The following THUMPD2 variants were observed in gnomAD, a reference collection of about 807,000 sequenced individuals.
The protein encoded by THUMPD2 is U6 snRNA (guanine-N(2))-methyltransferase THUMPD2.
A neutral mutation model predicts 49.4 loss-of-function variants in THUMPD2; 56 were observed. The ratio of observed to expected loss-of-function variants is 1.13; its 90% CI spans 0.91 to 1.41. The LOEUF is 1.41. Among genes scored for constraint, THUMPD2 ranks in the 40% most tolerant of loss-of-function variants. The pLI is 0.00. For synonymous variants in THUMPD2, 237 were observed against 205.2 expected (o/e 1.15, Z -1.32); for missense variants, 709 against 594.5 (o/e 1.19, Z -2.00).
Position 39,736,949 on chromosome 2 carries a change from GTGTGAC to G in THUMPD2, c.1292_1297del (p.Ser431_His432del). 1 of 1,614,008 alleles carries G rather than the reference GTGTGAC, an allele frequency of 6.2e-7. No individual in the cohort carries two copies. The highest frequency in any genetic ancestry group is 8.5e-7 in the Non-Finnish European group (1 of 1,179,994). ...GCACTTTTTAATTCCAGGTTCATCT[GTGTGAC>G]TGTCCTTGGAATTGAAAGGGATGTT... is the stretch of plus-strand genomic sequence containing the variant. On this transcript the variant is annotated inframe_deletion, in exon 10 of 10. Coordinates refer to ENST00000505747, the MANE Select transcript of THUMPD2 (RefSeq NM_025264.5).
intron 6 of THUMPD2, among the ~76,000 whole-genome samples, chr2:39,758,047 G>A (rs540097700): frequency 1.1e-4 from 16 of 152,076 alleles, no homozygotes; most frequent in African/African-American, 3.9e-4. Flanking sequence ...TGTAGTCCCA[G>A]GGCAAATACA....
intron 8 of THUMPD2, among the ~76,000 whole-genome samples, chr2:39,752,764 G>A (rs1675584345): frequency 6.6e-6 from 1 of 152,066 alleles, no homozygotes; most frequent in African/African-American, 2.4e-5. Flanking sequence ...AGTAATGAAA[G>A]GTAAATTTAA....
chr2:39,779,269 G>C, upstream of THUMPD2: 1 of 1,460,474 alleles, frequency 6.8e-7, no homozygotes, highest in Non-Finnish European at 9.0e-7. Flanking sequence ...CGCGCCTTCG[G>C]GTCACGTGGC....
chr2:39,772,965 T>C (rs1169326273), intron 1 of THUMPD2, among the ~76,000 whole-genome samples: 2 of 152,090 alleles, frequency 1.3e-5, no homozygotes, highest in Non-Finnish European at 2.9e-5. Flanking sequence ...TTGGCACAGT[T>C]AAAACTCAAA....
At chr2:39,760,064 G>T (rs1430065751) in intron 6 of THUMPD2, among the ~76,000 whole-genome samples, 1 of 152,144 alleles carries the variant, frequency 6.6e-6, no homozygotes, top group African/African-American at 2.4e-5. Context: ...TCTATCTAAT[G>T]ACTAAGAATA....
intron 8 of THUMPD2, among the ~76,000 whole-genome samples, chr2:39,748,915 G>A (rs1675000557): frequency 6.6e-6 from 1 of 151,742 alleles, no homozygotes; most frequent in African/African-American, 2.4e-5. Flanking sequence ...CCAGGAGTTC[G>A]TTCAAGGCTG....
rs980778874 is a variant in THUMPD2 at position 39,745,321 on chromosome 2, C to T, written c.1079-843G>A. 5.9e-5 allele frequency among the ~76,000 whole-genome samples: 9 copies of T among 152,102 alleles called. No homozygotes were observed. In the South Asian group the frequency reaches 6.2e-4, roughly 11 times the overall value. ...AGCAACAAAAAGTGCTTTGTAATCTCGGAAAGTCTAATGACTACTTGCTAG... is the reference window on the plus strand; with the variant it reads ...AGCAACAAAAAGTGCTTTGTAATCTTGGAAAGTCTAATGACTACTTGCTAG... On this transcript the variant is annotated intron_variant, in intron 8 of 9. Transcript: ENST00000505747.
chr2:39,758,228 G>A (rs1236985541), intron 6 of THUMPD2, among the ~76,000 whole-genome samples: 1 of 152,050 alleles, frequency 6.6e-6, no homozygotes, highest in Non-Finnish European at 1.5e-5. Context: ...GGCAGTTTGG[G>A]AAAAAATTAA....
chr2:39,760,622 G>A (rs1373079423), intron 6 of THUMPD2, among the ~76,000 whole-genome samples: 1 of 151,982 alleles, frequency 6.6e-6, no homozygotes, highest in Non-Finnish European at 1.5e-5. Context: ...ATAGCTATGT[G>A]TTTGTAAAAA....
intron 1 of THUMPD2, among the ~76,000 whole-genome samples, chr2:39,778,288 C>A (rs1216404679): frequency 6.6e-6 from 1 of 152,232 alleles, no homozygotes; most frequent in Non-Finnish European, 1.5e-5. Context: ...CTATTAAATT[C>A]TGTGACCCAA....
At chr2:39,745,569 TTTA>T (rs1330949962) in intron 8 of THUMPD2, among the ~76,000 whole-genome samples, 1 of 152,206 alleles carries the variant, frequency 6.6e-6, no homozygotes, top group African/African-American at 2.4e-5. Flanking sequence ...AAATGTTTTA[TTTA>T]TGAGGAAGCA....
chr2:39,762,918 T>G (rs1677012940), intron 5 of THUMPD2, among the ~76,000 whole-genome samples: 1 of 151,930 alleles, frequency 6.6e-6, no homozygotes, highest in Non-Finnish European at 1.5e-5. Context: ...CTAATAGAAG[T>G]TTTTGTGGGA....
chr2:39,774,770 C>T (rs1367118716), intron 1 of THUMPD2, among the ~76,000 whole-genome samples: 1 of 152,000 alleles, frequency 6.6e-6, no homozygotes, highest in Non-Finnish European at 1.5e-5. Flanking sequence ...TCTCATGTTT[C>T]TTACCTGAAA....
chr2:39,774,189 G>GAA (rs1346120075), intron 1 of THUMPD2, among the ~76,000 whole-genome samples: 1 of 152,364 alleles, frequency 6.6e-6, no homozygotes, highest in East Asian at 1.9e-4. Context: ...GCCAAGATAG[G>GAA]ATCTGGCCAG....
At chr2:39,777,831 T>C (rs1679317804) in intron 1 of THUMPD2, among the ~76,000 whole-genome samples, 1 of 152,236 alleles carries the variant, frequency 6.6e-6, no homozygotes, top group South Asian at 2.1e-4. Flanking sequence ...TTCATTTGTC[T>C]TTAGAGAAGA....
At chr2:39,755,813 T>C in intron 7 of THUMPD2, 76 bp downstream of exon 7, 4 of 1,213,988 alleles carry the variant, frequency 3.3e-6, no homozygotes, top group Non-Finnish European at 4.8e-6. Context: ...ATTCTACTTG[T>C]AAATAATTGG....
chr2:39,753,795 C>A (rs1038239784), intron 8 of THUMPD2, among the ~76,000 whole-genome samples: 2 of 152,182 alleles, frequency 1.3e-5, no homozygotes, highest in African/African-American at 4.8e-5. Flanking sequence ...TGAATACCAC[C>A]TTGGGCCAGG....
At position 39,755,289 on chromosome 2, in the gene THUMPD2, T is replaced by C. The variant is rs1675957468; in HGVS notation, c.1078+6A>G. On this transcript the variant is annotated splice_donor_region_variant and intron_variant, in intron 8 of 9. Coordinates refer to ENST00000505747, the MANE Select transcript of THUMPD2 (RefSeq NM_025264.5). ...TCTCAATTGTTTTGCATTTTTAGTA[T>C]CTTACCTATAACAGAGATTTTAAGT... 6.6e-7 allele frequency: 1 copy of C among 1,508,964 alleles called. No homozygotes were observed. Among genetic ancestry groups the C allele is most frequent in the South Asian group, 1.3e-5 (1 of 79,506 alleles). The allele number at this position is 1,508,964 out of a possible 1,614,324, so 93.5% of individuals were successfully genotyped here.
intron 8 of THUMPD2, among the ~76,000 whole-genome samples, chr2:39,751,707 C>A (rs1242599599): frequency 3.8e-5 from 4 of 103,956 alleles, no homozygotes; most frequent in Admixed American, 1.4e-4. Context: ...TTTTTTGAGA[C>A]GGAGTCTCGC....
Sources: gnomAD v4.1 joint callset for allele counts (sites outside exome capture counted in the v4.1 genomes callset) on GRCh38, gnomAD v4.1.1 for gene constraint, MANE v1.5 for transcripts, NCBI Gene and HGNC (gene_info 2026-07-23, HGNC 2026-07-21) for gene names.